Variants in SH3KBP1 observed in about 807,000 individuals in gnomAD.
SH3KBP1 encodes the protein SH3 domain-containing kinase-binding protein 1.
A neutral mutation model predicts 50.1 loss-of-function variants in SH3KBP1; 8 were observed. That is an observed-to-expected ratio of 0.16 (90% CI 0.09 to 0.29). The LOEUF (loss-of-function observed/expected upper bound fraction) is 0.29, where lower values mean the gene tolerates loss of function less well. Among genes scored for constraint, SH3KBP1 ranks in the 10% least tolerant of loss-of-function variants. The pLI is 1.00. For missense variants in SH3KBP1, 377 were observed against 535.2 expected, an observed-to-expected ratio of 0.70 and a Z score of 2.92; for synonymous variants, 227 against 218.6, an observed-to-expected ratio of 1.04 and a Z score of -0.34.
In SH3KBP1 at chrX:19,864,802, C is replaced by T. The variant is rs5955855; in HGVS notation, c.4+22505G>A. Among the ~76,000 whole-genome samples, 276 of 112,090 alleles carry T rather than the reference C, an allele frequency of 2.5e-3. 2 individuals are homozygous for T. The highest frequency in any genetic ancestry group is 8.7e-3 in the African/African-American group (269 of 30,794). On this transcript the variant is annotated intron_variant, in intron 1 of 17. Transcript: ENST00000397821. ...ATAGGAAACGAATATACCTGGTTAC[C>T]AGTACCACCGCTGCGTCTTTTGGAC... is the stretch of plus-strand genomic sequence containing the variant.
chrX:19,861,458 G>GAGGACTTCAAAAAAA (rs1251241175), intron 1 of SH3KBP1, among the ~76,000 whole-genome samples: 15 of 111,343 alleles, frequency 1.3e-4, no homozygotes, highest in African/African-American at 4.9e-4. Flanking sequence ...TGTACTATAT[G>GAGGACTTCAAAAAAA]AGGACTTCAA....
chrX:19,886,977 T>A (rs944469586), intron 1 of SH3KBP1, among the ~76,000 whole-genome samples: 2 of 109,199 alleles, frequency 1.8e-5, no homozygotes, highest in Non-Finnish European at 3.8e-5. Context: ...CGCGCTCGGG[T>A]GCAAAAATGG....
At chrX:19,812,605 G>A (rs774483802) in intron 2 of SH3KBP1, among the ~76,000 whole-genome samples, 44 of 105,073 alleles carry the variant, frequency 4.2e-4, no homozygotes, top group African/African-American at 6.3e-4. Context: ...GAGGCAGGAG[G>A]ATTGCTTGAG....
At chrX:19,698,990 C>T (rs897677819) in intron 4 of SH3KBP1, among the ~76,000 whole-genome samples, 7 of 112,149 alleles carry the variant, frequency 6.2e-5, no homozygotes, top group Non-Finnish European at 1.1e-4. Flanking sequence ...AAAAAGGTTT[C>T]CTTCCTGTGA....
At chrX:19,768,942 A>T (rs866835577) in intron 2 of SH3KBP1, among the ~76,000 whole-genome samples, 47 of 106,653 alleles carry the variant, frequency 4.4e-4, no homozygotes, top group Non-Finnish European at 7.2e-4. Flanking sequence ...TTTTTTTTTT[A>T]AATTAGTAAG....
chrX:19,554,398 G>T (rs181193354), intron 13 of SH3KBP1, among the ~76,000 whole-genome samples: 5 of 62,834 alleles, frequency 8.0e-5, no homozygotes, highest in African/African-American at 5.9e-4. Context: ...ATTAAAATAT[G>T]ATATATATTA....
intron 5 of SH3KBP1, chrX:19,694,997 T>G: frequency 8.3e-7 from 1 of 1,198,327 alleles, no homozygotes; most frequent in Non-Finnish European, 1.1e-6. Flanking sequence ...GTCCTGACCT[T>G]TTGCTCCGTG....
intron 1 of SH3KBP1, among the ~76,000 whole-genome samples, chrX:19,883,991 A>G (rs2069517827): frequency 9.0e-6 from 1 of 111,603 alleles, no homozygotes; most frequent in African/African-American, 3.3e-5. Context: ...CCTTCCTTGT[A>G]CCATCTTACT....
At chrX:19,651,258 T>A (rs1353162356) in intron 6 of SH3KBP1, among the ~76,000 whole-genome samples, 1 of 110,995 alleles carries the variant, frequency 9.0e-6, no homozygotes, top group African/African-American at 3.3e-5. Flanking sequence ...CCCTTAGAAA[T>A]TTACATTAGA....
At chrX:19,699,807 T>G (rs1270811273) in intron 4 of SH3KBP1, among the ~76,000 whole-genome samples, 1 of 111,689 alleles carries the variant, frequency 9.0e-6, no homozygotes, top group African/African-American at 3.3e-5. Flanking sequence ...GCACCCCATT[T>G]GTAAGGCACT....
chrX:19,579,278 G>A (rs1295758338), intron 12 of SH3KBP1, among the ~76,000 whole-genome samples: 2 of 111,939 alleles, frequency 1.8e-5, no homozygotes, highest in Non-Finnish European at 3.8e-5. Context: ...TCCAGGGCCT[G>A]ACAAGCCCTG....
At chrX:19,553,943 A>T (rs1199707712) in intron 13 of SH3KBP1, among the ~76,000 whole-genome samples, 5 of 68,042 alleles carry the variant, frequency 7.3e-5, no homozygotes, top group Non-Finnish European at 1.2e-4. Context: ...ATAATATATA[A>T]TATATATTAA....
At chrX:19,748,926 GTCC>G (rs373239102) in intron 2 of SH3KBP1, among the ~76,000 whole-genome samples, 1 of 111,015 alleles carries the variant, frequency 9.0e-6, no homozygotes, top group African/African-American at 3.3e-5. Flanking sequence ...TTTCTTTTTT[GTCC>G]TCCTGTAGTA....
At chrX:19,790,501 T>C (rs1603244896) in intron 2 of SH3KBP1, among the ~76,000 whole-genome samples, 1 of 111,607 alleles carries the variant, frequency 9.0e-6, no homozygotes, top group African/African-American at 3.3e-5. Flanking sequence ...ATACTTACGT[T>C]CCAAACACCC....
At chrX:19,569,988 G>C (rs897513020) in intron 12 of SH3KBP1, among the ~76,000 whole-genome samples, 2 of 112,286 alleles carry the variant, frequency 1.8e-5, no homozygotes, top group Non-Finnish European at 3.8e-5. Flanking sequence ...CCCATAAAAT[G>C]AGAGAGAGAA....
At chrX:19,795,404 G>A (rs984761572) in intron 2 of SH3KBP1, among the ~76,000 whole-genome samples, 9 of 111,059 alleles carry the variant, frequency 8.1e-5, no homozygotes, top group South Asian at 3.8e-4. Context: ...TCCTTTTGCC[G>A]CCCTCCATTT....
intron 13 of SH3KBP1, among the ~76,000 whole-genome samples, chrX:19,565,570 T>C (rs1016077649): frequency 9.0e-6 from 1 of 111,583 alleles, no homozygotes; most frequent in African/African-American, 3.3e-5. Context: ...ACTGCTCTTA[T>C]TTCAACACTA....
chrX:19,773,321 T>C (rs776548357), intron 2 of SH3KBP1, among the ~76,000 whole-genome samples: 5 of 111,501 alleles, frequency 4.5e-5, no homozygotes, highest in African/African-American at 1.6e-4. Context: ...GCACAATGTA[T>C]ATTTGTATTT....
rs73631366 is a variant in SH3KBP1, at chrX:19,713,953, G to A, written c.287-6969C>T. ...CAATCAACTTAAGTGTCCATCAACA[G>A]AAAAGTGGATAAGGAAACTGTGGTA... is the stretch of plus-strand genomic sequence containing the variant. On this transcript the variant is annotated intron_variant, in intron 3 of 17. Transcript: ENST00000397821. 7.5e-3 allele frequency among the ~76,000 whole-genome samples: 837 copies of A among 112,048 alleles called. 8 individuals carry two copies. Among genetic ancestry groups the A allele is most frequent in the African/African-American group, 0.026 (792 of 30,849 alleles).
Sources: allele counts gnomAD v4.1 joint callset (sites outside exome capture counted in the v4.1 genomes callset), GRCh38; gene constraint gnomAD v4.1.1; transcripts MANE v1.5; gene names NCBI Gene and HGNC (gene_info 2026-07-23, HGNC 2026-07-21).